The following TMEM117 variants were observed in gnomAD, a reference collection of about 807,000 sequenced individuals.
TMEM117 encodes transmembrane protein 117.
A neutral mutation model predicts 52.4 loss-of-function variants in TMEM117; 27 were observed. The ratio of observed to expected loss-of-function variants is 0.51; its 90% CI spans 0.38 to 0.71. The LOEUF (loss-of-function observed/expected upper bound fraction) is 0.71. Ranked by LOEUF, TMEM117 falls within the 30% of genes least tolerant of loss-of-function variation. The pLI, the probability that TMEM117 is intolerant of heterozygous loss-of-function variation, is 0.00. For missense variants in TMEM117, 556 were observed against 630.5 expected (o/e 0.88, Z 1.26); for synonymous variants, 215 against 206.3 (o/e 1.04, Z -0.36).
In TMEM117 at chr12:44,235,914, G is replaced by C. The variant is rs1949990051; in HGVS notation, c.608+24527G>C. The stretch of plus-strand genomic sequence containing the variant: ...AATTCTTTTTTACATTAAACATATT[G>C]AATATACATTTCAAAGACATCATTT... On this transcript the variant is annotated intron_variant, in intron 5 of 7. Transcript: ENST00000266534. 2.0e-5 allele frequency among the ~76,000 whole-genome samples: 3 copies of C among 151,566 alleles called. No homozygotes were observed. The South Asian group carries it at 6.2e-4, about 31-fold the overall frequency.
the TMEM117 span, among the ~76,000 whole-genome samples, chr12:43,804,807 T>C: frequency 6.6e-6 from 1 of 152,248 alleles, no homozygotes; most frequent in Non-Finnish European, 1.5e-5. Flanking sequence ...AGCTACATAA[T>C]TCTGTGCAGA....
chr12:43,868,442 C>T (rs1272182391), intron 2 of TMEM117, among the ~76,000 whole-genome samples: 1 of 151,894 alleles, frequency 6.6e-6, no homozygotes, highest in African/African-American at 2.4e-5. Context: ...GTCCCAGCTA[C>T]TCTGGAGGCT....
chr12:44,211,440 CT>C, intron 5 of TMEM117, 53 bp downstream of exon 5: 2 of 1,276,444 alleles, frequency 1.6e-6, no homozygotes, highest in Non-Finnish European at 1.1e-6. Flanking sequence ...CACTGAAGGA[CT>C]TTAGTTGGAT....
chr12:43,885,764 A>G (rs1943983279), intron 2 of TMEM117, among the ~76,000 whole-genome samples: 1 of 152,224 alleles, frequency 6.6e-6, no homozygotes, highest in Non-Finnish European at 1.5e-5. Flanking sequence ...TAATACAGAT[A>G]TGCACAGGAA....
At chr12:44,224,912 G>T (rs1317492709) in intron 5 of TMEM117, among the ~76,000 whole-genome samples, 1 of 152,066 alleles carries the variant, frequency 6.6e-6, no homozygotes, top group African/African-American at 2.4e-5. Flanking sequence ...AGCCGCGTCT[G>T]GAAAGCCTGG....
intron 2 of TMEM117, among the ~76,000 whole-genome samples, chr12:43,909,715 C>T (rs1420036796): frequency 6.6e-6 from 1 of 151,690 alleles, no homozygotes; most frequent in East Asian, 2.0e-4. Context: ...ACTACAAACA[C>T]CTCTACGCAA....
chr12:44,343,053 T>C (rs80022053), intron 6 of TMEM117, among the ~76,000 whole-genome samples: 6 of 133,998 alleles, frequency 4.5e-5, no homozygotes, highest in Non-Finnish European at 6.7e-5. Flanking sequence ...ACCCAGCTAA[T>C]TTTTTTTTTT....
intron 4 of TMEM117, among the ~76,000 whole-genome samples, chr12:44,167,994 G>A (rs933711540): frequency 3.9e-5 from 6 of 152,202 alleles, no homozygotes; most frequent in African/African-American, 9.6e-5. Context: ...GGTGGCTCAC[G>A]CCTGTAATCC....
intron 6 of TMEM117, among the ~76,000 whole-genome samples, chr12:44,369,654 C>T (rs1259216641): frequency 6.6e-6 from 1 of 152,094 alleles, no homozygotes; most frequent in Admixed American, 6.6e-5. Flanking sequence ...CACAAAAGCA[C>T]ATAAAAAAGT....
intron 6 of TMEM117, among the ~76,000 whole-genome samples, chr12:44,345,607 A>G (rs148631271): frequency 3.3e-4 from 50 of 152,282 alleles, no homozygotes; most frequent in African/African-American, 9.4e-4. Context: ...TCAGCATTAT[A>G]GGTGTTATTC....
intron 3 of TMEM117, among the ~76,000 whole-genome samples, chr12:43,990,947 G>A (rs1040855983): frequency 1.3e-5 from 2 of 152,212 alleles, no homozygotes; most frequent in African/African-American, 4.8e-5. Flanking sequence ...GGGAATTAAA[G>A]TGGACTTAAG....
At chr12:43,934,806 T>A (rs904859188) in intron 2 of TMEM117, among the ~76,000 whole-genome samples, 1 of 152,166 alleles carries the variant, frequency 6.6e-6, no homozygotes, top group Non-Finnish European at 1.5e-5. Flanking sequence ...TAAGATTTGA[T>A]CTGAATATTA....
At chr12:44,144,247 T>G (rs1948611068) in intron 4 of TMEM117, among the ~76,000 whole-genome samples, 3 of 152,190 alleles carry the variant, frequency 2.0e-5, no homozygotes, top group Non-Finnish European at 4.4e-5. Flanking sequence ...GTCAATAAAG[T>G]ATCTTCTGTT....
At position 43,903,052 on chromosome 12, in the gene TMEM117, A is replaced by G. The variant is rs540149206; in HGVS notation, c.278-41158A>G. On this transcript the variant is annotated intron_variant, in intron 2 of 7. Transcript: ENST00000266534. ...TGACATTAGTAACTTTACTCTTCCC[A>G]GTTTTAAAGTTTTCTGAAATTTACT... 1.2e-4 allele frequency among the ~76,000 whole-genome samples: 18 copies of G among 152,304 alleles called. 1 individual carries two copies. The South Asian group carries it at 3.7e-3, about 32-fold the overall frequency.
chr12:44,127,451 C>T (rs1948344462), intron 3 of TMEM117, among the ~76,000 whole-genome samples: 1 of 151,894 alleles, frequency 6.6e-6, no homozygotes, highest in Non-Finnish European at 1.5e-5. Flanking sequence ...CCGAGGGGAG[C>T]AAATCACCTG....
chr12:43,831,669 A>T (rs1942983385), upstream of TMEM117, among the ~76,000 whole-genome samples: 1 of 151,674 alleles, frequency 6.6e-6, no homozygotes, highest in South Asian at 2.1e-4. Context: ...TCAGCCTTTC[A>T]AGTAGCTGGG....
At chr12:43,995,820 C>A (rs958809906) in intron 3 of TMEM117, among the ~76,000 whole-genome samples, 1 of 152,282 alleles carries the variant, frequency 6.6e-6, no homozygotes, top group Middle Eastern at 3.4e-3. Context: ...TGATAAATTT[C>A]CAGATTATAA....
intron 6 of TMEM117, among the ~76,000 whole-genome samples, chr12:44,344,658 A>G (rs1951460910): frequency 6.6e-6 from 1 of 152,122 alleles, no homozygotes; most frequent in Admixed American, 6.6e-5. Context: ...AGTCGAAGAA[A>G]AAACACAGAT....
chr12:44,290,625 A>G (rs1157563717), intron 5 of TMEM117, among the ~76,000 whole-genome samples: 3 of 151,884 alleles, frequency 2.0e-5, no homozygotes, highest in South Asian at 2.1e-4. Flanking sequence ...AAGGTGTGAC[A>G]CCTCCAGTTT....
Sources: allele counts gnomAD v4.1 joint callset (sites outside exome capture counted in the v4.1 genomes callset), GRCh38; gene constraint gnomAD v4.1.1; transcripts MANE v1.5; gene names NCBI Gene and HGNC (gene_info 2026-07-23, HGNC 2026-07-21).